The following CRISP1 variants were observed in gnomAD, a reference collection of about 807,000 sequenced individuals.
The protein encoded by CRISP1 is cysteine rich secretory protein 1.
Under a neutral mutation model 33.1 loss-of-function variants are expected in CRISP1, and 44 were observed. That is an observed-to-expected ratio of 1.33 (90% CI 1.05 to 1.71). CRISP1 has a LOEUF of 1.71. Ranked by LOEUF, CRISP1 falls within the 40% of genes most tolerant of loss-of-function variation. The pLI is 0.00. For missense variants in CRISP1, 390 were observed against 301.2 expected, an observed-to-expected ratio of 1.29 and a Z score of -2.18; for synonymous variants, 103 against 98.7, an observed-to-expected ratio of 1.04 and a Z score of -0.26.
chr6:49,860,332 C>T (rs930891571), intron 1 of CRISP1, among the ~76,000 whole-genome samples: 12 of 152,242 alleles, frequency 7.9e-5, no homozygotes, highest in African/African-American at 2.4e-4. Context: ...CTCTCATCAG[C>T]ACATGAAACA....
At chr6:49,859,846 C>T (rs1771599447) in intron 1 of CRISP1, among the ~76,000 whole-genome samples, 1 of 152,050 alleles carries the variant, frequency 6.6e-6, no homozygotes, top group Non-Finnish European at 1.5e-5. Flanking sequence ...TATGACCCAA[C>T]TGTATTCTGT....
intron 3 of CRISP1, 23 bp downstream of exon 3, chr6:49,851,974 ATGGT>A: frequency 6.3e-7 from 1 of 1,595,614 alleles, no homozygotes; most frequent in Non-Finnish European, 8.5e-7. Flanking sequence ...TATTGCAATC[ATGGT>A]TGTTGCTATT....
chr6:49,858,628 C>CT (rs1255243846), intron 1 of CRISP1, among the ~76,000 whole-genome samples: 1 of 152,118 alleles, frequency 6.6e-6, no homozygotes, highest in Non-Finnish European at 1.5e-5. Flanking sequence ...CATCTATTTC[C>CT]TTTCCTTTCT....
At chr6:49,839,668 C>T (rs1770920392) in intron 6 of CRISP1, among the ~76,000 whole-genome samples, 1 of 152,192 alleles carries the variant, frequency 6.6e-6, no homozygotes, top group Non-Finnish European at 1.5e-5. Context: ...GAGACTTGGA[C>T]TAATCTTCAA....
intron 1 of CRISP1, among the ~76,000 whole-genome samples, chr6:49,861,276 C>A (rs1330141766): frequency 6.6e-6 from 1 of 152,048 alleles, no homozygotes; most frequent in Non-Finnish European, 1.5e-5. Context: ...CAAAACCAGA[C>A]AAGGATGCAA....
chr6:49,872,748 C>T (rs566823309), intron 1 of CRISP1, among the ~76,000 whole-genome samples: 22 of 152,138 alleles, frequency 1.4e-4, no homozygotes, highest in Non-Finnish European at 1.0e-4. Context: ...GTGTTCTGTT[C>T]CATTGGTCTA....
Position 49,852,079 on chromosome 6 carries a change from A to G in CRISP1, c.117T>C (p.Asn39=). The change falls in exon 3 of 8, where the codon AAT becomes AAC. Residue 39 remains asparagine, a synonymous_variant. Coordinates refer to ENST00000335847, the MANE Select transcript of CRISP1 (RefSeq NM_001131.3). ...GTATATTAACGATCTCTTCTTGTAC[A>G]TTTGGCAAGTCGGTGACGAGCTTAT... The part of the protein sequence containing the change: ...QFNKLVTDLP[N]VQEEIVNIHN... 6.2e-7 allele frequency: 1 copy of G among 1,613,172 alleles called. No individual in the cohort carries two copies. Among genetic ancestry groups the G allele is most frequent in the Non-Finnish European group, 8.5e-7 (1 of 1,179,510 alleles).
chr6:49,874,672 C>T (rs546174385), intron 1 of CRISP1, among the ~76,000 whole-genome samples: 1 of 152,148 alleles, frequency 6.6e-6, no homozygotes, highest in Admixed American at 6.6e-5. Flanking sequence ...TACTGGCAAA[C>T]CAAATCCAGC....
chr6:49,850,932 G>A (rs1032854494), intron 3 of CRISP1, among the ~76,000 whole-genome samples: 6 of 152,010 alleles, frequency 3.9e-5, no homozygotes, highest in Admixed American at 2.6e-4. Context: ...CAGTCCTTAA[G>A]ATTTTGAATA....
chr6:49,835,394 G>A lies in CRISP1; in HGVS notation c.672C>T (p.Val224=), dbSNP rs544207462. 6.2e-7 allele frequency: 1 copy of A among 1,613,504 alleles called. No homozygotes were observed. The highest frequency in any genetic ancestry group is 1.1e-5 in the South Asian group (1 of 91,058). ...YDEYFDCDIQ[V]HYLGCNHSTT... is the part of the protein sequence containing the mutation. Reference sequence around the variant, plus strand: ...TTGAGTGGTTGCATCCCAGATAATGGACTTGTATGTCACAGTCGAAGTATT... The same window carrying A: ...TTGAGTGGTTGCATCCCAGATAATGAACTTGTATGTCACAGTCGAAGTATT... Residue 224 remains valine, a synonymous_variant, in exon 8 of 8, where the codon GTC becomes GTT. Coordinates refer to ENST00000335847, the MANE Select transcript of CRISP1 (RefSeq NM_001131.3).
rs1280183532 is a variant in CRISP1, at chr6:49,835,441, T to C, written c.625A>G (p.Asn209Asp). Residue 209 changes from asparagine (N) to aspartate (D), a missense_variant and splice_region_variant, in exon 8 of 8, where the codon AAC (asparagine) becomes GAC (aspartate). Coordinates refer to ENST00000335847, the MANE Select transcript of CRISP1 (RefSeq NM_001131.3). ...PSNCEDKLCT[N>D]PCIYYDEYFD... ...TATTCATCATAGTAGATGCAGGGGT[T>C]AGCTGAAAGAAAATAGTATGGTTTT... 1.2e-6 allele frequency: 2 copies of C among 1,612,870 alleles called. No homozygotes were observed. The highest frequency in any genetic ancestry group is 1.3e-5 in the African/African-American group (1 of 74,896).
intron 7 of CRISP1, among the ~76,000 whole-genome samples, chr6:49,835,942 T>C (rs1386210138): frequency 6.6e-6 from 1 of 152,158 alleles, no homozygotes; most frequent in East Asian, 1.9e-4. Flanking sequence ...TTCTAGTGAT[T>C]TTTCTCACCT....
chr6:49,870,996 G>A (rs909798206), upstream of CRISP1, among the ~76,000 whole-genome samples: 12 of 152,002 alleles, frequency 7.9e-5, no homozygotes, highest in Non-Finnish European at 1.8e-4. Flanking sequence ...AGCTACTCAG[G>A]AGGCTGAGGC....
At chr6:49,860,659 C>A (rs112909331) in intron 1 of CRISP1, among the ~76,000 whole-genome samples, 2,046 of 152,078 alleles carry the variant, frequency 0.013, 20 homozygotes, top group South Asian at 0.033. Context: ...ACAACTACCT[C>A]AAACAAAAGA....
chr6:49,858,775 T>G (rs1771564807), intron 1 of CRISP1, among the ~76,000 whole-genome samples: 1 of 151,920 alleles, frequency 6.6e-6, no homozygotes, highest in South Asian at 2.1e-4. Context: ...CTGAGGTAAC[T>G]GAAACAAAAA....
chr6:49,839,376 A>G lies in CRISP1; in HGVS notation c.534-851T>C, dbSNP rs574257584. ...TGAGGTGGGAGGATAGCTGGAGCCC[A>G]GAAGGTCAATACTACAGGGAGCTAT... On this transcript the variant is annotated intron_variant, in intron 6 of 7. Coordinates refer to ENST00000335847, the MANE Select transcript of CRISP1 (RefSeq NM_001131.3). 1.2e-3 allele frequency among the ~76,000 whole-genome samples: 186 copies of G among 151,870 alleles called. 1 individual carries two copies. Among genetic ancestry groups the G allele is most frequent in the African/African-American group, 4.2e-3 (173 of 41,444 alleles).
chr6:49,851,780 G>A (rs1310586899), intron 3 of CRISP1, among the ~76,000 whole-genome samples: 2 of 152,166 alleles, frequency 1.3e-5, no homozygotes, highest in Non-Finnish European at 1.5e-5. Flanking sequence ...GTCTTAGGGT[G>A]TGGAGGAATG....
At chr6:49,864,052 C>T (rs1437517357) in intron 1 of CRISP1, among the ~76,000 whole-genome samples, 1 of 152,126 alleles carries the variant, frequency 6.6e-6, no homozygotes, top group Non-Finnish European at 1.5e-5. Flanking sequence ...ACTTGCACCC[C>T]TTTCAGTCTG....
chr6:49,851,960 C>T, intron 3 of CRISP1, 41 bp downstream of exon 3: 1 of 1,586,250 alleles, frequency 6.3e-7, no homozygotes, highest in African/African-American at 1.4e-5. Context: ...AACACCATTA[C>T]TATTATTGCA....
Sources: allele counts gnomAD v4.1 joint callset (sites outside exome capture counted in the v4.1 genomes callset), GRCh38; gene constraint gnomAD v4.1.1; transcripts MANE v1.5; gene names NCBI Gene and HGNC (gene_info 2026-07-23, HGNC 2026-07-21).